PCDHGB2: variants seen among roughly 807,000 people sequenced by gnomAD.
The protein encoded by PCDHGB2 is protocadherin gamma subfamily B, 2.
In PCDHGB2, 55 loss-of-function variants were observed where a neutral mutation model predicts 59.3. The ratio of observed to expected loss-of-function variants is 0.93; its 90% CI spans 0.75 to 1.16. The LOEUF (loss-of-function observed/expected upper bound fraction) is 1.16. Ranked by LOEUF, PCDHGB2 falls within the 50% of genes most tolerant of loss-of-function variation. The probability of loss-of-function intolerance (pLI) is 0.00; values close to 1 mark genes in which losing one functional copy is unlikely to be tolerated. For synonymous variants in PCDHGB2, 516 were observed against 512.0 expected, an observed-to-expected ratio of 1.01 and a Z score of -0.11; for missense variants, 1,228 against 1,198.5, an observed-to-expected ratio of 1.02 and a Z score of -0.36.
At position 141,403,891 on chromosome 5, in the gene PCDHGB2, AT is replaced by A. The variant is rs757338627; in HGVS notation, c.2421+41339del. The A allele has an allele frequency of 3.1e-6, 5 of 1,613,870 alleles. No individual in the cohort carries two copies. In the Admixed American group the frequency reaches 6.7e-5, roughly 22 times the overall value. On this transcript the variant is annotated intron_variant, in intron 1 of 3. Transcript: ENST00000522605. Reference sequence around the variant, plus strand: ...AAAGTCTAGATTATGAAGAATGTTCATTTTATGAAATGGAAATACAAGCTGA... The same window carrying A: ...AAAGTCTAGATTATGAAGAATGTTCATTTATGAAATGGAAATACAAGCTGA...
chr5:141,507,075 C>T (rs1006779614), intron 3 of PCDHGB2: 25 of 152,176 alleles, frequency 1.6e-4, no homozygotes, highest in Admixed American at 1.1e-3. Context: ...CCTGGCTCAA[C>T]TCCTAAGTTT....
chr5:141,398,317 C>G (rs1364315924), intron 1 of PCDHGB2: 1 of 1,349,834 alleles, frequency 7.4e-7, no homozygotes, highest in Non-Finnish European at 1.0e-6. Flanking sequence ...GTTACCGACT[C>G]GAAAACTGCG....
chr5:141,385,238 T>C (rs756116390), intron 1 of PCDHGB2: 1 of 1,614,074 alleles, frequency 6.2e-7, no homozygotes, highest in Non-Finnish European at 8.5e-7. Context: ...GACATGCTCA[T>C]CAGCCAGGAG....
chr5:141,506,801 C>A (rs1322016728), intron 3 of PCDHGB2, among the ~76,000 whole-genome samples: 2 of 152,166 alleles, frequency 1.3e-5, no homozygotes, highest in Non-Finnish European at 2.9e-5. Flanking sequence ...GGCAGAGGAT[C>A]AAGGCATTGC....
Position 141,419,399 on chromosome 5 carries a change from G to C in PCDHGB2, c.2421+56843G>C, listed in dbSNP as rs893535249. On this transcript the variant is annotated intron_variant, in intron 1 of 3. Coordinates refer to ENST00000522605, the MANE Select transcript of PCDHGB2 (RefSeq NM_018923.3). ...GTCCGTGAGCGCGCAGAGCGGGGTG[G>C]TGTTCGCGCAGCGCGCCTTCGACCA... 1.7e-5 allele frequency: 28 copies of C among 1,613,470 alleles called. No individual in the cohort carries two copies. Among genetic ancestry groups the C allele is most frequent in the Admixed American group, 1.7e-5 (1 of 60,014 alleles).
At chr5:141,395,309 CATT>C in intron 1 of PCDHGB2, 1 of 1,506,030 alleles carries the variant, frequency 6.6e-7, no homozygotes, top group Non-Finnish European at 8.9e-7. Flanking sequence ...TTTTGAAAAA[CATT>C]GTGAAGATAG....
chr5:141,385,045 C>A, intron 1 of PCDHGB2: 1 of 1,614,178 alleles, frequency 6.2e-7, no homozygotes, highest in Non-Finnish European at 8.5e-7. Context: ...GGCGCTCAGG[C>A]TGCGGCGCTG....
chr5:141,370,935 A>T (rs961930132), intron 1 of PCDHGB2: 2 of 1,613,850 alleles, frequency 1.2e-6, no homozygotes, highest in Admixed American at 3.3e-5. Flanking sequence ...CTTCTCTTTG[A>T]TTCAGAAGGA....
At chr5:141,390,110 C>T (rs2092051149) in intron 1 of PCDHGB2, 22 of 1,613,970 alleles carry the variant, frequency 1.4e-5, no homozygotes, top group Non-Finnish European at 1.9e-5. Flanking sequence ...CCAACTACAG[C>T]GAGGGGACTT....
chr5:141,427,213 G>A (rs566924176), intron 1 of PCDHGB2: 3 of 456,706 alleles, frequency 6.6e-6, no homozygotes, highest in East Asian at 6.9e-5. Context: ...TTCGAATTTC[G>A]TAGCAGTTAT....
rs539892249 is a variant in PCDHGB2 at position 141,500,355 on chromosome 5, C to T, written c.2481-5038C>T. ...TCCAGAATAGCTGGGACTACAGGCG[C>T]CCACTACCACGCCCGGCTAATTATT... On this transcript the variant is annotated intron_variant, in intron 2 of 3. Coordinates refer to ENST00000522605, the MANE Select transcript of PCDHGB2 (RefSeq NM_018923.3). Among the ~76,000 whole-genome samples, 274 of 152,030 alleles carry T rather than the reference C, an allele frequency of 1.8e-3. 2 individuals are homozygous for T. The highest frequency in any genetic ancestry group is 6.3e-3 in the African/African-American group (263 of 41,478).
At chr5:141,364,510 G>A (rs1763366973) in intron 1 of PCDHGB2, 5 of 1,614,022 alleles carry the variant, frequency 3.1e-6, no homozygotes, top group South Asian at 2.2e-5. Context: ...AGGAGCTGGC[G>A]GAGCGCGGAG....
At chr5:141,424,491 G>T (rs2096824224) in intron 1 of PCDHGB2, 1 of 152,122 alleles carries the variant, frequency 6.6e-6, no homozygotes, top group South Asian at 2.1e-4. Context: ...GTCTGTGTTT[G>T]TATGTATGGA....
At chr5:141,443,093 C>T (rs1316602934) in intron 1 of PCDHGB2, among the ~76,000 whole-genome samples, 2 of 151,940 alleles carry the variant, frequency 1.3e-5, no homozygotes, top group African/African-American at 4.8e-5. Flanking sequence ...CAGTCTCCTT[C>T]TCAAGCTGAA....
At chr5:141,410,787 T>C in intron 1 of PCDHGB2, 2 of 844,672 alleles carry the variant, frequency 2.4e-6, no homozygotes, top group South Asian at 4.4e-5. Flanking sequence ...TGTATTTGGT[T>C]CATAAGTTGC....
In PCDHGB2 at chr5:141,364,970, G is replaced by T. The variant is rs766427343; in HGVS notation, c.2421+2414G>T. 13 of 1,613,796 alleles carry T rather than the reference G, an allele frequency of 8.1e-6. No homozygotes were observed. The East Asian group carries it at 2.9e-4, about 36-fold the overall frequency. On this transcript the variant is annotated intron_variant, in intron 1 of 3. Coordinates refer to ENST00000522605, the MANE Select transcript of PCDHGB2 (RefSeq NM_018923.3). The stretch of plus-strand genomic sequence containing the variant: ...GACTGTTCACGACCTCCTCCTCACA[G>T]CTTTAGATGGCGGAGACCCGGTACT...
chr5:141,412,898 C>T (rs1300324880), intron 1 of PCDHGB2: 2 of 361,136 alleles, frequency 5.5e-6, no homozygotes, highest in Non-Finnish European at 9.8e-6. Context: ...AGTTTACTTT[C>T]CATTGCATGT....
At chr5:141,404,784 C>T (rs780341962) in intron 1 of PCDHGB2, 2 of 1,613,832 alleles carry the variant, frequency 1.2e-6, no homozygotes, top group Non-Finnish European at 1.7e-6. Flanking sequence ...CTATTCAAGG[C>T]CAGTGAGCCA....
At chr5:141,376,522 G>C in intron 1 of PCDHGB2, 1 of 1,613,784 alleles carries the variant, frequency 6.2e-7, no homozygotes, top group Non-Finnish European at 8.5e-7. Context: ...GTTTCTTTCC[G>C]CCTAAGCGGG....
Sources: gnomAD v4.1 joint callset for allele counts (sites outside exome capture counted in the v4.1 genomes callset) on GRCh38, gnomAD v4.1.1 for gene constraint, MANE v1.5 for transcripts, NCBI Gene and HGNC (gene_info 2026-07-23, HGNC 2026-07-21) for gene names.